TULP4: variants seen among roughly 807,000 people sequenced by gnomAD.
TULP4 encodes TUB like protein 4.
In TULP4, 16 loss-of-function variants were observed where a neutral mutation model predicts 129.0. That is an observed-to-expected ratio of 0.12 (90% CI 0.08 to 0.19). TULP4 has a LOEUF of 0.19. TULP4 is among the 10% of genes least tolerant of loss of function. The pLI, the probability that TULP4 is intolerant of heterozygous loss-of-function variation, is 1.00. For missense variants in TULP4, 1,842 were observed against 2,059.1 expected, an observed-to-expected ratio of 0.89 and a Z score of 2.04; for synonymous variants, 998 against 854.0, an observed-to-expected ratio of 1.17 and a Z score of -2.94.
At chr6:158,491,390 G>GTTCT (rs534422353) in intron 9 of TULP4, among the ~76,000 whole-genome samples, 4,175 of 146,462 alleles carry the variant, frequency 0.029, 101 homozygotes, top group Non-Finnish European at 0.03. Context: ...AGTTATAAGA[G>GTTCT]TTCTTTCTTT....
At chr6:158,300,205 A>G (rs1477494160) in intron 1 of TULP4, among the ~76,000 whole-genome samples, 1 of 152,186 alleles carries the variant, frequency 6.6e-6, no homozygotes, top group Non-Finnish European at 1.5e-5. Context: ...CAGGGGATTG[A>G]TGATCTCCTG....
At chr6:158,457,336 A>C (rs1258962027) in intron 5 of TULP4, among the ~76,000 whole-genome samples, 2 of 152,182 alleles carry the variant, frequency 1.3e-5, no homozygotes, top group Non-Finnish European at 2.9e-5. Context: ...GTCCCTGCCC[A>C]GGCCTCTTCT....
chr6:158,454,411 GA>G (rs1297976398), intron 5 of TULP4, among the ~76,000 whole-genome samples: 1 of 151,904 alleles, frequency 6.6e-6, no homozygotes, highest in Admixed American at 6.6e-5. Flanking sequence ...AATTTTTTGA[GA>G]ACCTGCCTCT....
In TULP4 at chr6:158,511,635, G is replaced by A. The variant is rs1017379881; in HGVS notation, c.*4941G>A. 6.6e-6 allele frequency: 1 copy of A among 152,616 alleles called. No individual in the cohort carries two copies. Among genetic ancestry groups the A allele is most frequent in the East Asian group, 1.9e-4 (1 of 5,180 alleles). The allele number at this position is 152,616 out of a possible 1,614,324, so 9.5% of individuals were successfully genotyped here. Reference sequence around the variant, plus strand: ...CATCCTTATTTGCCTTTCTTCTTACGTATTTTGTGTATTAGATTGTGCAGG... The same window carrying A: ...CATCCTTATTTGCCTTTCTTCTTACATATTTTGTGTATTAGATTGTGCAGG... On this transcript the variant is annotated 3_prime_UTR_variant, in exon 14 of 14. Coordinates refer to ENST00000367097, the MANE Select transcript of TULP4 (RefSeq NM_020245.5).
At chr6:158,365,523 C>A (rs1780918237) in intron 1 of TULP4, among the ~76,000 whole-genome samples, 1 of 148,888 alleles carries the variant, frequency 6.7e-6, no homozygotes, top group Non-Finnish European at 1.5e-5. Flanking sequence ...GTTGCCCAGG[C>A]TGGAGTGCAG....
intron 2 of TULP4, among the ~76,000 whole-genome samples, chr6:158,425,342 C>T (rs982441329): frequency 2.6e-5 from 4 of 151,114 alleles, no homozygotes; most frequent in Non-Finnish European, 4.4e-5. Context: ...GGTGAAACCT[C>T]GTCTCGACTA....
intron 1 of TULP4, among the ~76,000 whole-genome samples, chr6:158,405,484 C>T (rs1294128003): frequency 6.6e-6 from 1 of 152,128 alleles, no homozygotes; most frequent in East Asian, 1.9e-4. Context: ...AAAAGGGCAC[C>T]GTTGCATTAA....
Position 158,448,976 on chromosome 6 carries a change from G to A in TULP4, c.544-20G>A, listed in dbSNP as rs1278177247. The A allele has an allele frequency of 1.9e-6, 3 of 1,590,482 alleles. No homozygotes were observed. In the African/African-American group the frequency reaches 4.0e-5, roughly 21 times the overall value. ...GGCCCTTGCTGCCACTTGGTCAGAG[G>A]TCCCCATCCTGGATTGCAGGTGCTG... On this transcript the variant is annotated intron_variant, in intron 3 of 13. Coordinates refer to ENST00000367097, the MANE Select transcript of TULP4 (RefSeq NM_020245.5).
At chr6:158,462,051 A>G (rs1779441832) in intron 6 of TULP4, among the ~76,000 whole-genome samples, 2 of 152,060 alleles carry the variant, frequency 1.3e-5, no homozygotes, top group African/African-American at 2.4e-5. Context: ...TTTCTTCTCT[A>G]CTCTTAGTGA....
intron 1 of TULP4, chr6:158,237,335 A>G: frequency 6.2e-7 from 1 of 1,611,110 alleles, no homozygotes; most frequent in Non-Finnish European, 8.5e-7. Flanking sequence ...GAATATTCTC[A>G]TCACCAGCCA....
intron 2 of TULP4, among the ~76,000 whole-genome samples, chr6:158,421,535 G>A (rs910635499): frequency 2.0e-5 from 3 of 152,182 alleles, no homozygotes; most frequent in Non-Finnish European, 4.4e-5. Context: ...ATAAAATTTT[G>A]TGCAGCCCAA....
rs149782450 is a variant in TULP4 at position 158,378,209 on chromosome 6, G to A, written c.253-34856G>A. On this transcript the variant is annotated intron_variant, in intron 1 of 13. Coordinates refer to ENST00000367097, the MANE Select transcript of TULP4 (RefSeq NM_020245.5). ...AGCATTCCGTTGGCCAAAGTCACAG[G>A]ATGAGCCCAGATTCAAAGGATAAAG... 7.2e-5 allele frequency among the ~76,000 whole-genome samples: 11 copies of A among 152,300 alleles called. No individual in the cohort carries two copies. The East Asian group carries it at 1.9e-3, about 27-fold the overall frequency.
chr6:158,378,285 C>T lies in TULP4; in HGVS notation c.253-34780C>T, dbSNP rs78005277. Among the ~76,000 whole-genome samples, 345 of 152,022 alleles carry T rather than the reference C, an allele frequency of 2.3e-3. 6 individuals are homozygous for T. In the East Asian group the frequency reaches 0.048, roughly 21 times the overall value. ...GGAGCTGCAAAGTCACATTGCAAGGCGGGAAGAAGATGAATTGTGACCATT... is the reference window on the plus strand; with the variant it reads ...GGAGCTGCAAAGTCACATTGCAAGGTGGGAAGAAGATGAATTGTGACCATT... On this transcript the variant is annotated intron_variant, in intron 1 of 13. Coordinates refer to ENST00000367097, the MANE Select transcript of TULP4 (RefSeq NM_020245.5).
chr6:158,436,140 C>T (rs1178294551), intron 3 of TULP4, among the ~76,000 whole-genome samples: 1 of 152,198 alleles, frequency 6.6e-6, no homozygotes, highest in Non-Finnish European at 1.5e-5. Context: ...CCGCTAACCT[C>T]AAGTGATCTG....
upstream of TULP4, among the ~76,000 whole-genome samples, chr6:158,281,513 A>G (rs1366444093): frequency 1.3e-5 from 2 of 152,120 alleles, no homozygotes; most frequent in African/African-American, 4.8e-5. Flanking sequence ...TTATCCTTCC[A>G]TTAGCCAGAA....
chr6:158,400,607 G>A (rs1269961355), intron 1 of TULP4, among the ~76,000 whole-genome samples: 1 of 152,038 alleles, frequency 6.6e-6, no homozygotes, highest in Admixed American at 6.6e-5. Context: ...ATCCATTCTG[G>A]GAGTAGAAAA....
upstream of TULP4, among the ~76,000 whole-genome samples, chr6:158,307,996 C>CT (rs1208776348): frequency 1.3e-3 from 194 of 147,840 alleles, no homozygotes; most frequent in African/African-American, 4.1e-3. Context: ...TTTTTCTTTT[C>CT]TTTTTTTTTT....
intron 1 of TULP4, among the ~76,000 whole-genome samples, chr6:158,243,271 G>T (rs1274510090): frequency 1.3e-5 from 2 of 151,926 alleles, no homozygotes; most frequent in Non-Finnish European, 2.9e-5. Context: ...AAATATTTTA[G>T]TACATGTCTC....
chr6:158,484,976 C>G (rs1780032907), intron 8 of TULP4, among the ~76,000 whole-genome samples: 1 of 152,194 alleles, frequency 6.6e-6, no homozygotes, highest in African/African-American at 2.4e-5. Context: ...AGCTTTGGAA[C>G]TGGGTAATGG....
Sources: allele counts gnomAD v4.1 joint callset (sites outside exome capture counted in the v4.1 genomes callset), GRCh38; gene constraint gnomAD v4.1.1; transcripts MANE v1.5; gene names NCBI Gene and HGNC (gene_info 2026-07-23, HGNC 2026-07-21).